The following USP15 variants were observed in gnomAD, a reference collection of about 807,000 sequenced individuals.
USP15 encodes ubiquitin carboxyl-terminal hydrolase 15.
A neutral mutation model predicts 127.1 loss-of-function variants in USP15; 18 were observed. The ratio of observed to expected loss-of-function variants is 0.14; its 90% CI spans 0.10 to 0.21. The LOEUF (loss-of-function observed/expected upper bound fraction) is 0.21, where lower values mean the gene tolerates loss of function less well. Ranked by LOEUF, USP15 falls within the 10% of genes least tolerant of loss-of-function variation. The pLI, the probability that USP15 is intolerant of heterozygous loss-of-function variation, is 1.00. For missense variants in USP15, 805 were observed against 1,159.9 expected, an observed-to-expected ratio of 0.69 and a Z score of 4.44; for synonymous variants, 364 against 393.7, an observed-to-expected ratio of 0.92 and a Z score of 0.89.
intron 19 of USP15, among the ~76,000 whole-genome samples, chr12:62,395,491 T>C (rs967378342): frequency 5.9e-5 from 9 of 152,172 alleles, no homozygotes; most frequent in Admixed American, 3.9e-4. Flanking sequence ...GTTTATCGTT[T>C]GTGTTATAAT....
intron 1 of USP15, among the ~76,000 whole-genome samples, chr12:62,290,366 CTT>C (rs1261039029): frequency 1.3e-5 from 2 of 151,970 alleles, no homozygotes; most frequent in South Asian, 2.1e-4. Flanking sequence ...TTTATAATAA[CTT>C]TGTGTATTTT....
chr12:62,319,405 G>A (rs2064923327), intron 4 of USP15, among the ~76,000 whole-genome samples: 1 of 151,978 alleles, frequency 6.6e-6, no homozygotes, highest in South Asian at 2.1e-4. Context: ...TTCACTACCA[G>A]CAAAAGTGAA....
intron 1 of USP15, among the ~76,000 whole-genome samples, chr12:62,273,662 A>G (rs536809401): frequency 6.6e-6 from 1 of 152,238 alleles, no homozygotes; most frequent in East Asian, 1.9e-4. Flanking sequence ...ATTCATCCAC[A>G]GTTTAGTGTT....
At chr12:62,321,991 A>G (rs1038980457) in intron 5 of USP15, among the ~76,000 whole-genome samples, 1 of 152,206 alleles carries the variant, frequency 6.6e-6, no homozygotes, top group Non-Finnish European at 1.5e-5. Flanking sequence ...ATTGTAGTAC[A>G]CAAAAACAAG....
intron 8 of USP15, among the ~76,000 whole-genome samples, chr12:62,370,064 TC>T (rs2066613073): frequency 6.6e-6 from 1 of 152,084 alleles, no homozygotes; most frequent in African/African-American, 2.4e-5. Flanking sequence ...AACCTCTGCC[TC>T]CCGGGTTCAA....
At chr12:62,397,666 G>A (rs1017115426) in intron 20 of USP15, among the ~76,000 whole-genome samples, 4 of 151,578 alleles carry the variant, frequency 2.6e-5, no homozygotes, top group Non-Finnish European at 5.9e-5. Flanking sequence ...AGACCATCCT[G>A]GCCAACATGG....
intron 6 of USP15, among the ~76,000 whole-genome samples, chr12:62,345,193 C>CA (rs558351022): frequency 5.6e-4 from 86 of 152,332 alleles, no homozygotes; most frequent in Non-Finnish European, 1.1e-3. Context: ...TAGCAGCACC[C>CA]AAGTCACATC....
At chr12:62,288,501 G>A (rs1306325350) in intron 1 of USP15, among the ~76,000 whole-genome samples, 3 of 151,956 alleles carry the variant, frequency 2.0e-5, no homozygotes, top group East Asian at 1.9e-4. Flanking sequence ...AGAAGTCTTC[G>A]TGGAATCTTT....
Position 62,391,172 on chromosome 12 carries a change from A to T in USP15, c.1976A>T (p.Asp659Val). The change falls in exon 16 of 22, where the codon GAT (aspartate) becomes GTT (valine). Residue 659 changes from aspartate to valine, a missense_variant. Physicochemically the swap from Asp to Val is radical, Grantham distance 152. This residue lies in a region of USP15 where 225 missense variants were observed against 239.5 expected (regional missense o/e 0.94). Transcript: ENST00000280377. ...CTAAAATTAGGTGAAATGGAAACAG[A>T]TGAGCCAGATGATGAATCCAGCCAG... The part of the protein sequence containing the change: ...EEGSPSEMET[D>V]EPDDESSQDQ... The T allele has an allele frequency of 1.2e-6, 2 of 1,612,568 alleles. No homozygotes were observed. Among genetic ancestry groups the T allele is most frequent in the Non-Finnish European group, 1.7e-6 (2 of 1,179,512 alleles).
At chr12:62,358,186 C>CT (rs1293806400) in intron 8 of USP15, among the ~76,000 whole-genome samples, 1 of 151,644 alleles carries the variant, frequency 6.6e-6, no homozygotes, top group Non-Finnish European at 1.5e-5. Context: ...AAAAAGTATA[C>CT]TTTTTTAATG....
At position 62,348,016 on chromosome 12, in the gene USP15, AT is replaced by A. The variant is rs1278105476; in HGVS notation, c.684-1204del. Among the ~76,000 whole-genome samples, 15 of 152,242 alleles carry A rather than the reference AT, an allele frequency of 9.9e-5. No individual in the cohort carries two copies. The East Asian group carries it at 2.7e-3, about 27-fold the overall frequency. ...CAGGAGTTTGAGACTAGGCTGGGCAATATGGTGAGATCTCTGTCTCTGCAAA... is the reference window on the plus strand; with the variant it reads ...CAGGAGTTTGAGACTAGGCTGGGCAAATGGTGAGATCTCTGTCTCTGCAAA... On this transcript the variant is annotated intron_variant, in intron 6 of 21. Transcript: ENST00000280377.
chr12:62,324,424 T>C (rs915713586), intron 5 of USP15, among the ~76,000 whole-genome samples: 1 of 152,056 alleles, frequency 6.6e-6, no homozygotes, highest in African/African-American at 2.4e-5. Context: ...AGTTTATATG[T>C]ATATTTATAC....
intron 1 of USP15, among the ~76,000 whole-genome samples, chr12:62,282,442 G>A (rs1282874839): frequency 6.6e-6 from 1 of 152,192 alleles, no homozygotes; most frequent in Non-Finnish European, 1.5e-5. Context: ...AAGTTATGTG[G>A]ATGTGGTTTC....
chr12:62,299,672 G>T (rs1403850333), intron 2 of USP15, among the ~76,000 whole-genome samples: 1 of 152,172 alleles, frequency 6.6e-6, no homozygotes, highest in Non-Finnish European at 1.5e-5. Context: ...TTTCTAATGG[G>T]TAGATACCTA....
intron 7 of USP15, 46 bp from the exon 8 acceptor site, chr12:62,355,285 T>C (rs1389777302): frequency 1.6e-5 from 24 of 1,484,654 alleles, no homozygotes; most frequent in Non-Finnish European, 2.1e-5. Context: ...ATTATAAATA[T>C]GTTGTAATAT....
intron 1 of USP15, among the ~76,000 whole-genome samples, chr12:62,285,610 T>C (rs563943233): frequency 7.2e-5 from 11 of 152,290 alleles, no homozygotes; most frequent in South Asian, 6.2e-4. Context: ...TTTTATTCTT[T>C]TTTATGGCTG....
intron 7 of USP15, chr12:62,354,876 A>T (rs1303384585): frequency 6.6e-6 from 1 of 151,942 alleles, no homozygotes; most frequent in African/African-American, 2.4e-5. Context: ...GGCCTTGGAA[A>T]TCTCTGCTCT....
At chr12:62,395,597 G>GT (rs897626943) in intron 19 of USP15, among the ~76,000 whole-genome samples, 243 of 142,828 alleles carry the variant, frequency 1.7e-3, no homozygotes, top group Middle Eastern at 7.4e-3. Context: ...TTATTCATTC[G>GT]TTTTTTTTTT....
At chr12:62,337,271 A>T (rs2065496535) in intron 6 of USP15, among the ~76,000 whole-genome samples, 1 of 152,124 alleles carries the variant, frequency 6.6e-6, no homozygotes, top group Admixed American at 6.6e-5. Flanking sequence ...TGATAGCTGT[A>T]TTAGTCCATT....
Sources: allele counts gnomAD v4.1 joint callset (sites outside exome capture counted in the v4.1 genomes callset), GRCh38; gene constraint gnomAD v4.1.1; regional missense constraint gnomAD v4.1.1; transcripts MANE v1.5; gene names NCBI Gene and HGNC (gene_info 2026-07-23, HGNC 2026-07-21).